The following SIL1 variants were observed in gnomAD, a reference collection of about 807,000 sequenced individuals.
SIL1 encodes the protein nucleotide exchange factor SIL1.
In SIL1, 40 loss-of-function variants were observed where a neutral mutation model predicts 49.1. The observed-to-expected ratio is 0.81, with a 90% confidence interval of 0.63 to 1.06. SIL1 has a LOEUF of 1.06. Among genes scored for constraint, SIL1 ranks in the 50% least tolerant of loss-of-function variants. The pLI is 0.00. For synonymous variants in SIL1, 253 were observed against 250.8 expected, an observed-to-expected ratio of 1.01 and a Z score of -0.08; for missense variants, 500 against 572.6, an observed-to-expected ratio of 0.87 and a Z score of 1.29.
At chr5:139,166,918 C>T (rs1190596300) in intron 1 of SIL1, among the ~76,000 whole-genome samples, 1 of 152,206 alleles carries the variant, frequency 6.6e-6, no homozygotes, top group Non-Finnish European at 1.5e-5. Context: ...ATACCATTCT[C>T]CTGCCTCAGC....
intron 7 of SIL1, among the ~76,000 whole-genome samples, chr5:139,002,598 G>A (rs539176077): frequency 6.6e-6 from 1 of 152,192 alleles, no homozygotes; most frequent in East Asian, 1.9e-4. Flanking sequence ...ATACAAATTT[G>A]GGGAAATATT....
chr5:139,031,478 T>C (rs1768791753), intron 5 of SIL1, among the ~76,000 whole-genome samples: 1 of 152,206 alleles, frequency 6.6e-6, no homozygotes, highest in African/African-American at 2.4e-5. Context: ...TCTATGATTC[T>C]TTCTCTCCAC....
chr5:139,143,691 T>C lies in SIL1; in HGVS notation c.-10-15838A>G, dbSNP rs562288615. Among the ~76,000 whole-genome samples, 122 of 152,204 alleles carry C rather than the reference T, an allele frequency of 8.0e-4. 1 individual carries two copies. Among genetic ancestry groups the C allele is most frequent in the African/African-American group, 2.7e-3 (114 of 41,536 alleles). Reference sequence around the variant, plus strand: ...CCAGCCAATGATATGATCTTATGCATAGAAAACCTTCACAAATAAAACCTG... The same window carrying C: ...CCAGCCAATGATATGATCTTATGCACAGAAAACCTTCACAAATAAAACCTG... On this transcript the variant is annotated intron_variant, in intron 1 of 9. Coordinates refer to ENST00000394817, the MANE Select transcript of SIL1 (RefSeq NM_022464.5).
chr5:139,039,253 T>C (rs892849902), intron 5 of SIL1, among the ~76,000 whole-genome samples: 4 of 152,164 alleles, frequency 2.6e-5, no homozygotes, highest in Non-Finnish European at 5.9e-5. Flanking sequence ...GGCCGTCCAC[T>C]TGGCTCCTGG....
chr5:139,052,064 A>G (rs958993996), intron 3 of SIL1, among the ~76,000 whole-genome samples: 1 of 152,208 alleles, frequency 6.6e-6, no homozygotes, highest in Non-Finnish European at 1.5e-5. Flanking sequence ...TAAGAACCCA[A>G]ATCAATGACT....
chr5:139,039,072 G>C lies in SIL1; in HGVS notation c.453+3548C>G, dbSNP rs567027312. The stretch of plus-strand genomic sequence containing the variant: ...ATCAGGGTGCACACTTGGTCTGTTG[G>C]TAATACACCAGCAGGGGAAGCAGAG... On this transcript the variant is annotated intron_variant, in intron 5 of 9. Transcript: ENST00000394817. 6.6e-5 allele frequency among the ~76,000 whole-genome samples: 10 copies of C among 152,302 alleles called. No individual in the cohort carries two copies. The South Asian group carries it at 2.1e-3, about 32-fold the overall frequency.
At chr5:139,155,841 CT>C (rs34978590) in intron 1 of SIL1, among the ~76,000 whole-genome samples, 20 of 148,634 alleles carry the variant, frequency 1.3e-4, no homozygotes, top group South Asian at 2.2e-4. Flanking sequence ...CAAATAAACT[CT>C]TTTTTTTTTT....
chr5:139,112,839 A>T (rs538013471), intron 3 of SIL1, among the ~76,000 whole-genome samples: 2 of 152,168 alleles, frequency 1.3e-5, no homozygotes, highest in African/African-American at 2.4e-5. Flanking sequence ...TGACAATGGC[A>T]GTTTTGTGGA....
intron 7 of SIL1, among the ~76,000 whole-genome samples, chr5:138,971,923 A>G (rs1767288468): frequency 6.6e-6 from 1 of 152,138 alleles, no homozygotes; most frequent in Non-Finnish European, 1.5e-5. Context: ...GCTCCAACCA[A>G]CAGGCTCAGT....
rs184610871 is a variant in SIL1 at position 139,053,158 on chromosome 5, G to A, written c.245-2112C>T. On this transcript the variant is annotated intron_variant, in intron 3 of 9. Coordinates refer to ENST00000394817, the MANE Select transcript of SIL1 (RefSeq NM_022464.5). ...GAGATCCCAAACTGACAAGACAATAGTCCCTTCCTGGATGAATGCTAAACA... is the reference window on the plus strand; with the variant it reads ...GAGATCCCAAACTGACAAGACAATAATCCCTTCCTGGATGAATGCTAAACA... 5.3e-5 allele frequency among the ~76,000 whole-genome samples: 8 copies of A among 152,190 alleles called. No homozygotes were observed. The East Asian group carries it at 1.6e-3, about 29-fold the overall frequency.
chr5:139,005,018 G>T (rs1415450844), intron 7 of SIL1, among the ~76,000 whole-genome samples: 1 of 152,140 alleles, frequency 6.6e-6, no homozygotes, highest in Non-Finnish European at 1.5e-5. Flanking sequence ...CAAAGGATAC[G>T]AAATTTCAGA....
At chr5:139,016,056 C>A (rs1218470589) in intron 7 of SIL1, among the ~76,000 whole-genome samples, 1 of 151,992 alleles carries the variant, frequency 6.6e-6, no homozygotes, top group African/African-American at 2.4e-5. Context: ...CTGTGAAGAG[C>A]CCCTGCACTC....
chr5:139,014,977 A>G (rs189625207), intron 7 of SIL1, among the ~76,000 whole-genome samples: 1 of 152,280 alleles, frequency 6.6e-6, no homozygotes, highest in Admixed American at 6.5e-5. Context: ...GTGGGGCTAT[A>G]CACTCATTTC....
chr5:139,012,808 A>C (rs1768312964), intron 7 of SIL1: 1 of 152,310 alleles, frequency 6.6e-6, no homozygotes, highest in South Asian at 2.1e-4. Flanking sequence ...TCTCTACAAA[A>C]CAATAAAAAG....
chr5:139,111,724 C>G (rs1770842758), intron 3 of SIL1, among the ~76,000 whole-genome samples: 1 of 152,226 alleles, frequency 6.6e-6, no homozygotes, highest in Admixed American at 6.5e-5. Flanking sequence ...TCAAACTCCT[C>G]AAACCCAGGA....
chr5:139,056,532 G>A (rs1353916415), intron 3 of SIL1, among the ~76,000 whole-genome samples: 13 of 147,280 alleles, frequency 8.8e-5, no homozygotes, highest in African/African-American at 2.3e-4. Context: ...CAGCCGCCCC[G>A]TCCGGGAGGG....
rs200923545 is a variant in SIL1 at position 138,947,497 on chromosome 5, C to G, written c.1030-24G>C. ...ATCTGCCATCCGCCACAGCCGCAGGCCAGGTAGGGTGGGGGTGGGGAGAGA... is the reference window on the plus strand; with the variant it reads ...ATCTGCCATCCGCCACAGCCGCAGGGCAGGTAGGGTGGGGGTGGGGAGAGA... On this transcript the variant is annotated intron_variant, in intron 9 of 9. Transcript: ENST00000394817. This position sits in a 1 kb window ranked among gnomAD's most constrained non-coding sequence, Gnocchi z 4.1. 6.2e-6 allele frequency: 10 copies of G among 1,606,638 alleles called. No homozygotes were observed. In the African/African-American group the frequency reaches 8.0e-5, roughly 13 times the overall value.
intron 3 of SIL1, among the ~76,000 whole-genome samples, chr5:139,090,697 T>C (rs1770325367): frequency 6.6e-6 from 1 of 152,120 alleles, no homozygotes. Flanking sequence ...CTCAAACTCT[T>C]GGGCCCAAGC....
chr5:139,094,023 C>T (rs1320638393), intron 3 of SIL1: 1 of 152,210 alleles, frequency 6.6e-6, no homozygotes, highest in African/African-American at 2.4e-5. Context: ...CCAGCCCTCA[C>T]CTGCAGCGGA....
Sources: gnomAD v4.1 joint callset for allele counts (sites outside exome capture counted in the v4.1 genomes callset) on GRCh38, gnomAD v4.1.1 for gene constraint, Gnocchi (gnomAD v3.1) non-coding constraint, MANE v1.5 for transcripts, NCBI Gene and HGNC (gene_info 2026-07-23, HGNC 2026-07-21) for gene names.